Variants in ABCB5 observed in about 807,000 individuals in gnomAD.
ABCB5 encodes the protein ATP binding cassette subfamily B member 5.
A neutral mutation model predicts 144.2 loss-of-function variants in ABCB5; 155 were observed. That is an observed-to-expected ratio of 1.08 (90% CI 0.94 to 1.23). The LOEUF (loss-of-function observed/expected upper bound fraction) is 1.23, where lower values mean the gene tolerates loss of function less well. Ranked by LOEUF, ABCB5 falls within the 50% of genes most tolerant of loss-of-function variation. The pLI is 0.00. For synonymous variants in ABCB5, 610 were observed against 528.6 expected, an observed-to-expected ratio of 1.15 and a Z score of -2.11; for missense variants, 1,830 against 1,520.8, an observed-to-expected ratio of 1.20 and a Z score of -3.38.
rs754579277 is a variant in ABCB5, at chr7:20,681,642, A to G, written c.1845A>G (p.Leu615=). Residue 615 remains leucine, a synonymous_variant, in exon 15 of 28, where the codon CTA becomes CTG. Transcript: ENST00000404938. ...AHAELMAKRG[L]YYSLVMSQDI... ...CTGAACTAATGGCAAAACGAGGTCT[A>G]TATTATTCACTTGTGATGTCACAGG... 2.2e-5 allele frequency: 35 copies of G among 1,614,140 alleles called. No homozygotes were observed. Among genetic ancestry groups the G allele is most frequent in the Non-Finnish European group, 2.7e-5 (32 of 1,180,012 alleles).
At position 20,648,803 on chromosome 7, in the gene ABCB5, AT is replaced by A. The variant is rs567294463; in HGVS notation, c.1206+733del. ...AAGACCTACCTACTCCTACTTCCTTATTTTTTTTCTGATTAAAACTTTGATC... is the reference window on the plus strand; with the variant it reads ...AAGACCTACCTACTCCTACTTCCTTATTTTTTTCTGATTAAAACTTTGATC... On this transcript the variant is annotated intron_variant, in intron 11 of 27. Coordinates refer to ENST00000404938, the MANE Select transcript of ABCB5 (RefSeq NM_001163941.2). Among the ~76,000 whole-genome samples the A allele has an allele frequency of 5.1e-3, 777 of 151,962 alleles. 3 individuals carry two copies. The highest frequency in any genetic ancestry group is 8.6e-3 in the Non-Finnish European group (583 of 67,910).
intron 14 of ABCB5, chr7:20,666,686 G>C: frequency 2.0e-6 from 3 of 1,535,146 alleles, no homozygotes; most frequent in Non-Finnish European, 2.6e-6. Flanking sequence ...TAATTGTTTG[G>C]CTTTTAGCTT....
intron 14 of ABCB5, among the ~76,000 whole-genome samples, chr7:20,669,781 TAG>T (rs1491202551): frequency 1.1e-4 from 1 of 9,044 alleles, no homozygotes; most frequent in Non-Finnish European, 2.0e-4. Context: ...ACAGAATAAA[TAG>T]AGATTTATTA....
At position 20,622,970 on chromosome 7, in the gene ABCB5, A is replaced by G. The variant is rs866196467; in HGVS notation, c.-21-295A>G. On this transcript the variant is annotated intron_variant, in intron 1 of 27. Coordinates refer to ENST00000404938, the MANE Select transcript of ABCB5 (RefSeq NM_001163941.2). Reference sequence around the variant, plus strand: ...GTAGGAATATCTAATATCCTGACAAACAGTGCATTTTCCGTGGAATCTGAC... The same window carrying G: ...GTAGGAATATCTAATATCCTGACAAGCAGTGCATTTTCCGTGGAATCTGAC... 1.1e-4 allele frequency among the ~76,000 whole-genome samples: 17 copies of G among 152,278 alleles called. No homozygotes were observed. The Middle Eastern group carries it at 0.014, about 122-fold the overall frequency.
chr7:20,648,083 G>C lies in ABCB5; in HGVS notation c.1206+5G>C. On this transcript the variant is annotated splice_donor_5th_base_variant and intron_variant, in intron 11 of 27. Coordinates refer to ENST00000404938, the MANE Select transcript of ABCB5 (RefSeq NM_001163941.2). Reference sequence around the variant, plus strand: ...CCATCAAGACCATCTATCAAGGTAGGTTAAAACAAATTACGCAATTGTGCA... The same window carrying C: ...CCATCAAGACCATCTATCAAGGTAGCTTAAAACAAATTACGCAATTGTGCA... The C allele has an allele frequency of 6.5e-7, 1 of 1,538,126 alleles. No homozygotes were observed. The highest frequency in any genetic ancestry group is 1.1e-5 in the South Asian group (1 of 88,518).
In ABCB5 at chr7:20,666,733, A is replaced by T. The variant is rs542635540; in HGVS notation, c.1707+8057A>T. 4.3e-5 allele frequency: 68 copies of T among 1,596,728 alleles called. No homozygotes were observed. The African/African-American group carries it at 7.9e-4, about 19-fold the overall frequency. ...TGAAGTAGGATAGGAGATACTAGGA[A>T]ATTCTTTCAATATTGTATTTTCTAG... On this transcript the variant is annotated intron_variant, in intron 14 of 27. Transcript: ENST00000404938.
chr7:20,726,165 A>AT lies in ABCB5; in HGVS notation c.2626-875_2626-874insT, dbSNP rs1304856584. Among the ~76,000 whole-genome samples the AT allele has an allele frequency of 2.6e-5, 4 of 152,190 alleles. No homozygotes were observed. The East Asian group carries it at 7.7e-4, about 29-fold the overall frequency. ...TTTATAAACTATATAAATGTGGAGAAGTATTCATCACATTTGAATTAAATG... is the reference window on the plus strand; with the variant it reads ...TTTATAAACTATATAAATGTGGAGAATGTATTCATCACATTTGAATTAAATG... On this transcript the variant is annotated intron_variant, in intron 21 of 27. Transcript: ENST00000404938.
intron 14 of ABCB5, among the ~76,000 whole-genome samples, chr7:20,680,523 T>C (rs1057408214): frequency 1.1e-4 from 17 of 151,362 alleles, no homozygotes; most frequent in Admixed American, 9.2e-4. Context: ...TGAGCCGAGA[T>C]TGCGCCACTG....
intron 26 of ABCB5, among the ~76,000 whole-genome samples, chr7:20,750,662 A>G (rs936863651): frequency 2.1e-4 from 32 of 152,168 alleles, no homozygotes; most frequent in Admixed American, 6.5e-5. Flanking sequence ...TAATACGTAG[A>G]CTTTTTTCTT....
intron 14 of ABCB5, among the ~76,000 whole-genome samples, chr7:20,677,512 TGA>T (rs1254794785): frequency 6.6e-6 from 1 of 152,166 alleles, no homozygotes; most frequent in Non-Finnish European, 1.5e-5. Flanking sequence ...GTGGATCACC[TGA>T]GGTCAGGAGT....
At chr7:20,647,328 T>C in intron 9 of ABCB5, 2 of 1,319,022 alleles carry the variant, frequency 1.5e-6, no homozygotes, top group Non-Finnish European at 1.9e-6. Context: ...GATACTTGGA[T>C]TAATCTGTGT....
intron 5 of ABCB5, among the ~76,000 whole-genome samples, chr7:20,634,102 A>G (rs776026973): frequency 4.6e-5 from 7 of 151,888 alleles, no homozygotes; most frequent in Non-Finnish European, 7.4e-5. Context: ...GCTCCCACTT[A>G]TAAGTGAGAA....
intron 3 of ABCB5, among the ~76,000 whole-genome samples, chr7:20,628,374 T>C (rs1316627858): frequency 6.6e-6 from 1 of 152,184 alleles, no homozygotes; most frequent in African/African-American, 2.4e-5. Context: ...GTCCATGGTG[T>C]ATATGTGCCA....
At chr7:20,616,311 C>G (rs935726655) in intron 1 of ABCB5, among the ~76,000 whole-genome samples, 1 of 152,218 alleles carries the variant, frequency 6.6e-6, no homozygotes, top group Non-Finnish European at 1.5e-5. Context: ...GCTGGGATTA[C>G]AGGCATGAGC....
At chr7:20,715,818 CA>C (rs1781658023) in intron 20 of ABCB5, among the ~76,000 whole-genome samples, 1 of 151,612 alleles carries the variant, frequency 6.6e-6, no homozygotes, top group African/African-American at 2.4e-5. Flanking sequence ...CTCCCGGGTT[CA>C]AGCGACTCTC....
At chr7:20,682,450 T>C (rs1785860714) in intron 15 of ABCB5, among the ~76,000 whole-genome samples, 1 of 151,774 alleles carries the variant, frequency 6.6e-6, no homozygotes, top group Non-Finnish European at 1.5e-5. Flanking sequence ...GGTTAAAAGG[T>C]GGGAGTTGGG....
At position 20,705,150 on chromosome 7, in the gene ABCB5, A is replaced by T. The variant is rs114778961; in HGVS notation, c.2421+343A>T. 8.8e-4 allele frequency among the ~76,000 whole-genome samples: 134 copies of T among 152,370 alleles called. 1 individual carries two copies. Among genetic ancestry groups the T allele is most frequent in the African/African-American group, 3.2e-3 (131 of 41,586 alleles). ...AAACACACACACTTTGAGTTTTAAT[A>T]TAAGAAAAAGGTTTAGTTTTTCCTT... is the stretch of plus-strand genomic sequence containing the variant. On this transcript the variant is annotated intron_variant, in intron 20 of 27. Transcript: ENST00000404938.
At chr7:20,713,754 G>A (rs1414835890) in intron 20 of ABCB5, among the ~76,000 whole-genome samples, 1 of 149,686 alleles carries the variant, frequency 6.7e-6, no homozygotes, top group East Asian at 2.0e-4. Flanking sequence ...CCTACGCCCT[G>A]TGGCTCAGAA....
intron 20 of ABCB5, among the ~76,000 whole-genome samples, chr7:20,717,732 T>C (rs1302198019): frequency 2.0e-5 from 3 of 151,730 alleles, no homozygotes; most frequent in African/African-American, 4.8e-5. Flanking sequence ...CCACCGCACC[T>C]GGCCCAAATT....
Sources: gnomAD v4.1 joint callset for allele counts (sites outside exome capture counted in the v4.1 genomes callset) on GRCh38, gnomAD v4.1.1 for gene constraint, MANE v1.5 for transcripts, NCBI Gene and HGNC (gene_info 2026-07-23, HGNC 2026-07-21) for gene names.